Variants in NFATC1 observed in about 807,000 individuals in gnomAD.
NFATC1 encodes nuclear factor of activated T-cells, cytoplasmic 1.
In NFATC1, 22 loss-of-function variants were observed where a neutral mutation model predicts 76.0. The observed-to-expected ratio is 0.29, with a 90% CI of 0.21 to 0.41. The LOEUF is 0.41. NFATC1 is among the 10% of genes least tolerant of loss of function. NFATC1 has a pLI of 1.00. For missense variants in NFATC1, 1,357 were observed against 1,337.7 expected, an observed-to-expected ratio of 1.01 and a Z score of -0.23; for synonymous variants, 704 against 613.1, an observed-to-expected ratio of 1.15 and a Z score of -2.19.
intron 9 of NFATC1, among the ~76,000 whole-genome samples, chr18:79,515,588 A>G (rs1015262321): frequency 1.3e-5 from 2 of 151,770 alleles, no homozygotes; most frequent in Non-Finnish European, 2.9e-5. Context: ...CACACTTCAC[A>G]TGGTGACATT....
intron 3 of NFATC1, among the ~76,000 whole-genome samples, chr18:79,444,225 T>A (rs566534161): frequency 6.6e-6 from 1 of 151,984 alleles, no homozygotes; most frequent in Admixed American, 6.6e-5. Context: ...GTGCACGCTC[T>A]GGGGGGGTGT....
intron 9 of NFATC1, chr18:79,493,269 G>C (rs879789856): frequency 4.6e-5 from 7 of 152,294 alleles, no homozygotes; most frequent in Non-Finnish European, 1.0e-4. Context: ...GGGCCGCCCC[G>C]TGCCACGCGC....
Position 79,473,161 on chromosome 18 carries a change from C to T in NFATC1, c.2092+5579C>T, listed in dbSNP as rs1468163559. Among the ~76,000 whole-genome samples the T allele has an allele frequency of 3.9e-5, 6 of 152,370 alleles. No individual in the cohort carries two copies. In the South Asian group the frequency reaches 6.2e-4, roughly 16 times the overall value. On this transcript the variant is annotated intron_variant, in intron 8 of 9. Transcript: ENST00000427363. ...GCGTGGCCTGCGCCACGCTCCAGGTCGCCACAGGGGTGAGAATTCTGGGAG... is the reference window on the plus strand; with the variant it reads ...GCGTGGCCTGCGCCACGCTCCAGGTTGCCACAGGGGTGAGAATTCTGGGAG...
chr18:79,527,413 G>C, intron 9 of NFATC1, 115 bp from the exon 10 acceptor site: 1 of 817,384 alleles, frequency 1.2e-6, no homozygotes, highest in East Asian at 2.6e-5. Flanking sequence ...GTGGGTTCCT[G>C]GGGAGATGCC....
chr18:79,525,012 CA>C, intron 9 of NFATC1, among the ~76,000 whole-genome samples: 1 of 151,632 alleles, frequency 6.6e-6, no homozygotes, highest in Non-Finnish European at 1.5e-5. Context: ...CACATCCCAT[CA>C]TTACTACCCC....
chr18:79,462,326 C>T (rs776898409), intron 7 of NFATC1, among the ~76,000 whole-genome samples: 1 of 152,034 alleles, frequency 6.6e-6, no homozygotes, highest in Non-Finnish European at 1.5e-5. Context: ...ATGTTTAGGT[C>T]TTTAGTTTTG....
chr18:79,450,364 A>C (rs2087414211), intron 4 of NFATC1, among the ~76,000 whole-genome samples: 1 of 150,394 alleles, frequency 6.6e-6, no homozygotes. Context: ...TTTTAAATAT[A>C]GTGGAAATAA....
At chr18:79,496,928 C>T (rs2089903802) in intron 9 of NFATC1, 1 of 152,216 alleles carries the variant, frequency 6.6e-6, no homozygotes, top group East Asian at 1.9e-4. Flanking sequence ...CCAAGTCAGT[C>T]AATGAGGCAG....
At chr18:79,469,501 G>A (rs1355471091) in intron 8 of NFATC1, 50 of 985,502 alleles carry the variant, frequency 5.1e-5, no homozygotes, top group Non-Finnish European at 5.7e-5. Flanking sequence ...GCTACCTCCA[G>A]TCCACACCCC....
At chr18:79,460,221 G>T (rs1431676447) in intron 6 of NFATC1, among the ~76,000 whole-genome samples, 2 of 152,220 alleles carry the variant, frequency 1.3e-5, no homozygotes, top group East Asian at 3.8e-4. Context: ...AGAAAAAGGA[G>T]ATTTTGTCTG....
chr18:79,520,367 A>G (rs2090488986), intron 9 of NFATC1, among the ~76,000 whole-genome samples: 1 of 138,810 alleles, frequency 7.2e-6, no homozygotes, highest in Non-Finnish European at 1.6e-5. Flanking sequence ...TGGCTCTCAC[A>G]GCACAGTGGA....
chr18:79,449,823 C>T (rs183117913), intron 4 of NFATC1, among the ~76,000 whole-genome samples: 32 of 152,156 alleles, frequency 2.1e-4, no homozygotes, highest in Admixed American at 2.0e-4. Flanking sequence ...GAGTCCCGCA[C>T]GGTGAGGGAG....
rs1410728819 is a variant in NFATC1, at chr18:79,409,124, T to A, written c.128-1279T>A. ...ATCCATCCATCCATCAAACCATTAT[T>A]CCTCCATTCCCTATCCATCCATCCG... On this transcript the variant is annotated intron_variant, in intron 1 of 9. Coordinates refer to ENST00000427363, the MANE Select transcript of NFATC1 (RefSeq NM_001278669.2). Among the ~76,000 whole-genome samples, 9 of 72,960 alleles carry A rather than the reference T, an allele frequency of 1.2e-4. 1 individual carries two copies. The highest frequency in any genetic ancestry group is 2.9e-4 in the Non-Finnish European group (8 of 27,592). 47.9% of individuals were successfully genotyped at this position (72,960 alleles called of 152,430 possible). A position where few individuals can be genotyped will look rare whatever the true frequency, so the allele number is the denominator to read the frequency against.
At chr18:79,400,038 G>A (rs2085134374) in intron 1 of NFATC1, among the ~76,000 whole-genome samples, 1 of 151,978 alleles carries the variant, frequency 6.6e-6, no homozygotes, top group Non-Finnish European at 1.5e-5. Context: ...GCCGCTCGTG[G>A]GGTCCCGACG....
intron 2 of NFATC1, among the ~76,000 whole-genome samples, chr18:79,412,310 TCCGTG>T (rs1210464243): frequency 6.6e-6 from 1 of 152,200 alleles, no homozygotes; most frequent in African/African-American, 2.4e-5. Context: ...CATGAAAACG[TCCGTG>T]CAGGAGGTCG....
chr18:79,461,970 A>G (rs1022554110), intron 7 of NFATC1, among the ~76,000 whole-genome samples: 5 of 152,308 alleles, frequency 3.3e-5, no homozygotes, highest in Admixed American at 3.3e-4. Flanking sequence ...CGGGCGGTGC[A>G]TGTGTGCGGG....
chr18:79,396,189 C>T lies in NFATC1; in HGVS notation c.-36C>T, dbSNP rs1225206284. The stretch of plus-strand genomic sequence containing the variant: ...CGGGGCGGCCGCTTCTCCTGTGCCT[C>T]CGCCCGCCGCTCCACTCCCCGCCGC... On this transcript the variant is annotated 5_prime_UTR_variant, in exon 1 of 10. Transcript: ENST00000427363. 6.9e-7 allele frequency: 1 copy of T among 1,440,358 alleles called. No homozygotes were observed. The highest frequency in any genetic ancestry group is 1.5e-5 in the African/African-American group (1 of 66,930). 89.2% of individuals were successfully genotyped at this position (1,440,358 alleles called of 1,614,324 possible).
intron 9 of NFATC1, among the ~76,000 whole-genome samples, chr18:79,514,450 G>A (rs1390519231): frequency 6.6e-6 from 1 of 150,776 alleles, no homozygotes; most frequent in African/African-American, 2.4e-5. Context: ...TGGCGCTCAG[G>A]AGCTGCTCAG....
At chr18:79,489,632 C>G (rs546206141) in intron 9 of NFATC1, among the ~76,000 whole-genome samples, 2 of 152,204 alleles carry the variant, frequency 1.3e-5, no homozygotes, top group Non-Finnish European at 2.9e-5. Context: ...AAACTCGGAT[C>G]GAATGGGTCA....
Sources: gnomAD v4.1 joint callset for allele counts (sites outside exome capture counted in the v4.1 genomes callset) on GRCh38, gnomAD v4.1.1 for gene constraint, MANE v1.5 for transcripts, NCBI Gene and HGNC (gene_info 2026-07-23, HGNC 2026-07-21) for gene names.